ITGA9: variants seen among roughly 807,000 people sequenced by gnomAD.
ITGA9 encodes the protein integrin subunit alpha 9, also known as integrin alpha-9.
ITGA9 carries 56 observed loss-of-function variants against 127.8 expected under a neutral mutation model. The ratio of observed to expected loss-of-function variants is 0.44; its 90% CI spans 0.35 to 0.55. The LOEUF (loss-of-function observed/expected upper bound fraction) is 0.55. Ranked by LOEUF, ITGA9 falls within the 20% of genes least tolerant of loss-of-function variation. ITGA9 has a pLI of 0.00. For synonymous variants in ITGA9, 508 were observed against 514.5 expected (o/e 0.99, Z 0.17); for missense variants, 1,196 against 1,347.1 (o/e 0.89, Z 1.76).
chr3:37,508,780 G>A (rs751640795), intron 8 of ITGA9, among the ~76,000 whole-genome samples, 153 bp downstream of exon 8: 1 of 152,046 alleles, frequency 6.6e-6, no homozygotes, highest in East Asian at 1.9e-4. Context: ...CCTTCTCAGC[G>A]GTATGTGTAA....
At chr3:37,475,013 T>C (rs995933899) in intron 3 of ITGA9, among the ~76,000 whole-genome samples, 2 of 152,222 alleles carry the variant, frequency 1.3e-5, no homozygotes, top group African/African-American at 4.8e-5. Context: ...GGTGGGGGCC[T>C]CCCTCCTGGA....
At chr3:37,725,179 T>C (rs1696169014) in intron 18 of ITGA9, among the ~76,000 whole-genome samples, 1 of 152,230 alleles carries the variant, frequency 6.6e-6, no homozygotes, top group South Asian at 2.1e-4. Flanking sequence ...TTATGTGGCT[T>C]CATTCCAGTG....
chr3:37,789,502 G>T (rs1300852418), intron 26 of ITGA9, among the ~76,000 whole-genome samples: 1 of 151,900 alleles, frequency 6.6e-6, no homozygotes, highest in Non-Finnish European at 1.5e-5. Context: ...GCTCACACCT[G>T]TAATCCTAGC....
At chr3:37,693,264 T>C (rs1700850689) in intron 18 of ITGA9, among the ~76,000 whole-genome samples, 1 of 151,644 alleles carries the variant, frequency 6.6e-6, no homozygotes, top group Admixed American at 6.6e-5. Context: ...CATGGGAGGG[T>C]ATTGTGGGAG....
At chr3:37,705,159 A>T (rs533315588) in intron 18 of ITGA9, among the ~76,000 whole-genome samples, 15 of 152,360 alleles carry the variant, frequency 9.8e-5, no homozygotes, top group African/African-American at 3.6e-4. Flanking sequence ...CAGCAAAGTT[A>T]TGTGTTAACA....
chr3:37,473,252 GA>G, intron 2 of ITGA9, 101 bp from the exon 3 acceptor site: 1 of 808,376 alleles, frequency 1.2e-6, no homozygotes, highest in Non-Finnish European at 2.1e-6. Context: ...ACATTTTGTG[GA>G]AAGTTCCTTA....
chr3:37,746,511 A>C (rs2125535685), intron 22 of ITGA9, among the ~76,000 whole-genome samples: 1 of 152,362 alleles, frequency 6.6e-6, no homozygotes, highest in East Asian at 1.9e-4. Flanking sequence ...GTATAAAGAC[A>C]TTTGTTAAAA....
chr3:37,768,398 C>T (rs1394253790), intron 23 of ITGA9, among the ~76,000 whole-genome samples: 1 of 152,152 alleles, frequency 6.6e-6, no homozygotes, highest in Non-Finnish European at 1.5e-5. Flanking sequence ...TTAATGTCAC[C>T]ACAGCCATTG....
chr3:37,504,042 T>TA (rs1470764965), intron 6 of ITGA9, among the ~76,000 whole-genome samples: 3 of 152,246 alleles, frequency 2.0e-5, no homozygotes, highest in Non-Finnish European at 4.4e-5. Flanking sequence ...ATACATAACT[T>TA]ACAGGGAAAG....
intron 18 of ITGA9, among the ~76,000 whole-genome samples, chr3:37,693,682 G>A (rs755756513): frequency 2.6e-5 from 4 of 152,150 alleles, no homozygotes; most frequent in Non-Finnish European, 4.4e-5. Context: ...TAGACAGAAG[G>A]TTCCATACAG....
chr3:37,654,322 C>T (rs1230355125), intron 17 of ITGA9, among the ~76,000 whole-genome samples: 2 of 152,090 alleles, frequency 1.3e-5, no homozygotes, highest in Non-Finnish European at 2.9e-5. Flanking sequence ...CAGATAGTCT[C>T]CTTATTGTTT....
chr3:37,593,137 TA>T (rs1213639319), intron 15 of ITGA9, among the ~76,000 whole-genome samples: 1 of 152,220 alleles, frequency 6.6e-6, no homozygotes, highest in Non-Finnish European at 1.5e-5. Context: ...TCCCAATGGA[TA>T]CCAAAATTCA....
chr3:37,538,759 C>T (rs1355421639), intron 14 of ITGA9, among the ~76,000 whole-genome samples: 1 of 152,226 alleles, frequency 6.6e-6, no homozygotes, highest in Non-Finnish European at 1.5e-5. Flanking sequence ...CTTCTTGCCT[C>T]CTCAGGCAGG....
At chr3:37,691,135 T>C (rs1700828276) in intron 18 of ITGA9, among the ~76,000 whole-genome samples, 2 of 152,188 alleles carry the variant, frequency 1.3e-5, no homozygotes, top group South Asian at 2.1e-4. Flanking sequence ...TGCCGTAATA[T>C]AGCCCCTGGC....
At chr3:37,783,135 T>C (rs1006144405) in intron 25 of ITGA9, among the ~76,000 whole-genome samples, 7 of 150,646 alleles carry the variant, frequency 4.6e-5, no homozygotes, top group Admixed American at 1.3e-4. Context: ...CGAGACTCTG[T>C]CTCAAAAAAA....
At chr3:37,646,652 A>G (rs1026475690) in intron 16 of ITGA9, among the ~76,000 whole-genome samples, 18 of 152,258 alleles carry the variant, frequency 1.2e-4, no homozygotes, top group African/African-American at 4.3e-4. Context: ...ATAACTAGAC[A>G]GGGCTTTGGC....
chr3:37,672,699 T>C (rs1227900320), intron 17 of ITGA9, among the ~76,000 whole-genome samples: 1 of 152,144 alleles, frequency 6.6e-6, no homozygotes, highest in Non-Finnish European at 1.5e-5. Context: ...GGTTTAGGGC[T>C]GAGGCTGTAA....
chr3:37,639,060 G>A (rs957977228), intron 16 of ITGA9, among the ~76,000 whole-genome samples: 4 of 152,258 alleles, frequency 2.6e-5, no homozygotes, highest in East Asian at 1.9e-4. Flanking sequence ...CTCTGGGGAC[G>A]GTGGAGCTTG....
rs1489030786 is a variant in ITGA9 at position 37,477,760 on chromosome 3, G to T, written c.421-3724G>T. ...ACTCAAAATGTTCAAGTCTAATGTC[G>T]CCCCTTTTCATCAGACTTGCCAAGG... On this transcript the variant is annotated intron_variant, in intron 3 of 27. Coordinates refer to ENST00000264741, the MANE Select transcript of ITGA9 (RefSeq NM_002207.3). Among the ~76,000 whole-genome samples, 3 of 152,224 alleles carry T rather than the reference G, an allele frequency of 2.0e-5. 1 individual carries two copies. The South Asian group carries it at 6.2e-4, about 32-fold the overall frequency.
Sources: gnomAD v4.1 joint callset for allele counts (sites outside exome capture counted in the v4.1 genomes callset) on GRCh38, gnomAD v4.1.1 for gene constraint, MANE v1.5 for transcripts, NCBI Gene and HGNC (gene_info 2026-07-23, HGNC 2026-07-21) for gene names.